KAZN: variants seen among roughly 807,000 people sequenced by gnomAD.
The protein encoded by KAZN is kazrin.
KAZN carries 40 observed loss-of-function variants against 87.4 expected under a neutral mutation model. That is an observed-to-expected ratio of 0.46 (90% CI 0.36 to 0.60). The LOEUF (loss-of-function observed/expected upper bound fraction) is 0.60, where lower values mean the gene tolerates loss of function less well. Among genes scored for constraint, KAZN ranks in the 20% least tolerant of loss-of-function variants. The pLI, the probability that KAZN is intolerant of heterozygous loss-of-function variation, is 0.00. For missense variants in KAZN, 898 were observed against 1,073.9 expected (o/e 0.84, Z 2.29); for synonymous variants, 466 against 458.3 (o/e 1.02, Z -0.22).
intron 1 of KAZN, among the ~76,000 whole-genome samples, chr1:14,134,473 A>G (rs1315168081): frequency 6.6e-6 from 1 of 152,172 alleles, no homozygotes; most frequent in African/African-American, 2.4e-5. Flanking sequence ...ATCAAATATG[A>G]GAAATTGAAG....
At chr1:14,300,520 G>A in intron 2 of KAZN, among the ~76,000 whole-genome samples, 1 of 152,180 alleles carries the variant, frequency 6.6e-6, no homozygotes, top group Non-Finnish European at 1.5e-5. Flanking sequence ...ACAGGCATGA[G>A]CCACTGTGCT....
At chr1:14,083,055 G>C (rs1274838639) in intron 1 of KAZN, among the ~76,000 whole-genome samples, 1 of 152,164 alleles carries the variant, frequency 6.6e-6, no homozygotes, top group Non-Finnish European at 1.5e-5. Flanking sequence ...AGCCGGGTGT[G>C]GTGGCGGGCA....
intron 1 of KAZN, among the ~76,000 whole-genome samples, chr1:13,999,038 A>T (rs1639657412): frequency 6.6e-6 from 1 of 152,220 alleles, no homozygotes; most frequent in African/African-American, 2.4e-5. Context: ...AGTGCAATCA[A>T]ATTAGAATTT....
rs555916361 is a variant in KAZN, at chr1:14,299,160, T to C, written c.249+118568T>C. Among the ~76,000 whole-genome samples the C allele has an allele frequency of 4.5e-4, 68 of 152,236 alleles. No individual in the cohort carries two copies. The South Asian group carries it at 0.014, about 31-fold the overall frequency. ...AACACAAACATGATTCCTACTCTCA[T>C]GGAATTTACAACCTGGTGGGGGAAA... On this transcript the variant is annotated intron_variant, in intron 2 of 16. Coordinates refer to the KAZN transcript ENST00000636203.
intron 1 of KAZN, among the ~76,000 whole-genome samples, chr1:14,796,602 G>A (rs137917788): frequency 1.3e-4 from 20 of 152,206 alleles, no homozygotes; most frequent in South Asian, 4.1e-4. Context: ...GGGTATAGAC[G>A]TGCATGGTTC....
At chr1:14,418,260 CT>C (rs1664998714) in intron 2 of KAZN, among the ~76,000 whole-genome samples, 1 of 152,048 alleles carries the variant, frequency 6.6e-6, no homozygotes, top group Admixed American at 6.6e-5. Context: ...CCACAAGTTC[CT>C]AACTATATGA....
At chr1:14,913,567 A>G (rs1283572268) in intron 1 of KAZN, among the ~76,000 whole-genome samples, 4 of 152,240 alleles carry the variant, frequency 2.6e-5, no homozygotes, top group Non-Finnish European at 5.9e-5. Flanking sequence ...ACCAGGGCCT[A>G]AGGTGACTTT....
chr1:14,811,717 G>C (rs142525450), intron 1 of KAZN, among the ~76,000 whole-genome samples: 1 of 152,142 alleles, frequency 6.6e-6, no homozygotes, highest in African/African-American at 2.4e-5. Flanking sequence ...CATATTAAAG[G>C]CATGGTAGTT....
chr1:14,417,905 A>G (rs1664939306), intron 2 of KAZN, among the ~76,000 whole-genome samples: 1 of 146,908 alleles, frequency 6.8e-6, no homozygotes, highest in Non-Finnish European at 1.5e-5. Flanking sequence ...CCGAGGCAGG[A>G]GAATGGCGTG....
At chr1:15,047,192 G>A (rs565570576) in intron 4 of KAZN, among the ~76,000 whole-genome samples, 51 of 152,342 alleles carry the variant, frequency 3.3e-4, no homozygotes, top group African/African-American at 6.0e-4. Context: ...GGGGCTTCAC[G>A]AGGAGCTGTG....
At chr1:14,690,711 A>G (rs1319078531) in intron 1 of KAZN, among the ~76,000 whole-genome samples, 1 of 152,244 alleles carries the variant, frequency 6.6e-6, no homozygotes. Flanking sequence ...TATGCCAGCC[A>G]TAAAACCTCC....
intron 2 of KAZN, among the ~76,000 whole-genome samples, chr1:15,011,787 T>C (rs757589314): frequency 3.3e-5 from 5 of 152,128 alleles, no homozygotes; most frequent in Non-Finnish European, 5.9e-5. Context: ...GAATCTTGTG[T>C]CCTCATGTAG....
chr1:13,945,710 T>TGTGTGAGAGAGA (rs757118365), intron 1 of KAZN, among the ~76,000 whole-genome samples: 2 of 137,186 alleles, frequency 1.5e-5, no homozygotes, highest in African/African-American at 5.8e-5. Flanking sequence ...TGTGTGTGTG[T>TGTGTGAGAGAGA]GAGAGAGAGA....
At chr1:14,575,462 A>G (rs1449783704) in intron 2 of KAZN, among the ~76,000 whole-genome samples, 1 of 152,156 alleles carries the variant, frequency 6.6e-6, no homozygotes, top group Admixed American at 6.5e-5. Context: ...CCATGAGAAC[A>G]GTATGGGGGA....
At chr1:14,924,864 C>A (rs900456706) in intron 1 of KAZN, among the ~76,000 whole-genome samples, 8 of 152,132 alleles carry the variant, frequency 5.3e-5, no homozygotes, top group African/African-American at 1.9e-4. Context: ...CGGGCTGGAC[C>A]CCGCGTCTGC....
intron 4 of KAZN, 89 bp downstream of exon 4, chr1:15,044,248 G>T: frequency 2.2e-6 from 1 of 456,362 alleles, no homozygotes. Context: ...TCACATCGGA[G>T]ACCTAGGGTG....
chr1:14,022,485 C>CTAAAA (rs1640877001), intron 1 of KAZN, among the ~76,000 whole-genome samples: 1 of 110,480 alleles, frequency 9.1e-6, no homozygotes, highest in Non-Finnish European at 1.8e-5. Flanking sequence ...GTATTTAAAG[C>CTAAAA]AAAAAAAAAA....
At chr1:14,101,496 G>A (rs558156571) in intron 1 of KAZN, among the ~76,000 whole-genome samples, 2 of 152,322 alleles carry the variant, frequency 1.3e-5, no homozygotes, top group South Asian at 4.1e-4. Flanking sequence ...TGCTTTGAAG[G>A]CTGGCTGGGG....
At chr1:13,947,275 G>T (rs1193783322) in intron 1 of KAZN, among the ~76,000 whole-genome samples, 2 of 152,132 alleles carry the variant, frequency 1.3e-5, no homozygotes, top group African/African-American at 2.4e-5. Flanking sequence ...GCCTTCTAAA[G>T]CCATCAGCTC....
Sources: allele counts gnomAD v4.1 joint callset (sites outside exome capture counted in the v4.1 genomes callset), GRCh38; gene constraint gnomAD v4.1.1; transcripts MANE v1.5; gene names NCBI Gene and HGNC (gene_info 2026-07-23, HGNC 2026-07-21).